Variants in TCF20 observed in about 807,000 individuals in gnomAD.
TCF20 encodes SPRE-binding protein.
TCF20 carries 3 observed loss-of-function variants against 148.6 expected under a neutral mutation model. That is an observed-to-expected ratio of 0.02 (90% CI 0.01 to 0.05). The LOEUF (loss-of-function observed/expected upper bound fraction) is 0.05. Ranked by LOEUF, TCF20 falls within the 10% of genes least tolerant of loss-of-function variation. The pLI, the probability that TCF20 is intolerant of heterozygous loss-of-function variation, is 1.00. For synonymous variants in TCF20, 1,049 were observed against 909.5 expected (o/e 1.15, Z -2.76); for missense variants, 2,350 against 2,429.3 (o/e 0.97, Z 0.69).
chr22:42,335,933 G>A (rs1403717699), intron 1 of TCF20, among the ~76,000 whole-genome samples: 1 of 152,136 alleles, frequency 6.6e-6, no homozygotes, highest in Non-Finnish European at 1.5e-5. Context: ...CAAATCTGGG[G>A]GCCAGCCATC....
Position 42,309,957 on chromosome 22 carries a change from C to T in TCF20, c.-37+33522G>A, listed in dbSNP as rs542667929. Among the ~76,000 whole-genome samples the T allele has an allele frequency of 6.5e-4, 99 of 152,362 alleles. 1 individual carries two copies. Among genetic ancestry groups the T allele is most frequent in the Non-Finnish European group, 2.4e-4 (16 of 68,036 alleles). ...ACTCCACACTGGCCCTAATCTTACCCCTTCCAGCCCTGTCTCTCCAGTGCC... is the reference window on the plus strand; with the variant it reads ...ACTCCACACTGGCCCTAATCTTACCTCTTCCAGCCCTGTCTCTCCAGTGCC... On this transcript the variant is annotated intron_variant, in intron 1 of 1. Coordinates refer to the TCF20 transcript ENST00000515426.
chr22:42,170,440 C>T (rs533438235), intron 3 of TCF20, among the ~76,000 whole-genome samples: 19 of 150,778 alleles, frequency 1.3e-4, no homozygotes, highest in African/African-American at 4.4e-4. Context: ...CCCAGGAGTT[C>T]AGACTGCAGT....
chr22:42,219,355 C>CAAAAAAAAAAAAAAA lies in TCF20; in HGVS notation c.-36-4029_-36-4015dup, dbSNP rs528664836. 2.1e-3 allele frequency among the ~76,000 whole-genome samples: 90 copies of CAAAAAAAAAAAAAAA among 43,550 alleles called. 9 individuals are homozygous for CAAAAAAAAAAAAAAA. Among genetic ancestry groups the CAAAAAAAAAAAAAAA allele is most frequent in the African/African-American group, 6.5e-3 (66 of 10,166 alleles). 28.6% of individuals were successfully genotyped at this position (43,550 alleles called of 152,430 possible). ...ACCCTGGGTGACAGTAACCCTGTCT[C>CAAAAAAAAAAAAAAA]AAAAAAAAAAAAAAAAAAAAAAAAA... On this transcript the variant is annotated intron_variant, in intron 1 of 5. Coordinates refer to ENST00000677622, the MANE Select transcript of TCF20 (RefSeq NM_001378418.1).
At chr22:42,174,188 C>A (rs1359398780) in intron 3 of TCF20, among the ~76,000 whole-genome samples, 1 of 152,052 alleles carries the variant, frequency 6.6e-6, no homozygotes, top group Non-Finnish European at 1.5e-5. Context: ...TGCTGTTCAG[C>A]CACTAGCCAT....
In TCF20 at chr22:42,259,727, C is replaced by A. The variant is rs181900259; in HGVS notation, c.-37+10612G>T. On this transcript the variant is annotated intron_variant, in intron 1 of 5. Coordinates refer to ENST00000677622, the MANE Select transcript of TCF20 (RefSeq NM_001378418.1). ...ACAGCTCTCATCCTACCACCACTAT[C>A]CTCAATAATGTCACTTAACACATTT... 2.9e-3 allele frequency among the ~76,000 whole-genome samples: 439 copies of A among 152,300 alleles called. 2 individuals are homozygous for A. Among genetic ancestry groups the A allele is most frequent in the African/African-American group, 0.01 (427 of 41,566 alleles).
At chr22:42,291,763 C>G (rs969436179) in intron 1 of TCF20, among the ~76,000 whole-genome samples, 3 of 151,914 alleles carry the variant, frequency 2.0e-5, no homozygotes, top group African/African-American at 7.3e-5. Flanking sequence ...CCTGGGGCCA[C>G]AAGATGCCTA....
At chr22:42,187,532 C>T (rs1236144773) in intron 2 of TCF20, among the ~76,000 whole-genome samples, 2 of 152,190 alleles carry the variant, frequency 1.3e-5, no homozygotes, top group African/African-American at 2.4e-5. Context: ...GAAAGCCTGA[C>T]CCAGGTCCAA....
At chr22:42,312,670 T>A (rs1927556881) in intron 1 of TCF20, among the ~76,000 whole-genome samples, 1 of 152,028 alleles carries the variant, frequency 6.6e-6, no homozygotes, top group Admixed American at 6.5e-5. Context: ...GGCCTGGCAA[T>A]CCCATTGCTG....
chr22:42,179,537 C>T (rs972033229), intron 3 of TCF20, 72 bp downstream of exon 3: 4 of 779,206 alleles, frequency 5.1e-6, no homozygotes, highest in African/African-American at 1.8e-5. Flanking sequence ...AAAACAACGA[C>T]AACAGAGAGA....
chr22:42,332,243 C>T (rs914354032), intron 1 of TCF20, among the ~76,000 whole-genome samples: 5 of 152,168 alleles, frequency 3.3e-5, no homozygotes, highest in African/African-American at 1.2e-4. Context: ...AGGGTATTAG[C>T]CAGGCAGGGA....
chr22:42,237,455 C>G (rs942929223), intron 1 of TCF20, among the ~76,000 whole-genome samples: 4 of 152,216 alleles, frequency 2.6e-5, no homozygotes, highest in African/African-American at 9.7e-5. Context: ...AAGTCCTGAA[C>G]CCCTCAAAGT....
chr22:42,242,043 A>T (rs1410468788), intron 1 of TCF20, among the ~76,000 whole-genome samples: 1 of 151,872 alleles, frequency 6.6e-6, no homozygotes, highest in Non-Finnish European at 1.5e-5. Context: ...TCTACTAAAA[A>T]TACAAAAAAT....
chr22:42,322,092 A>G lies in TCF20; in HGVS notation c.-37+21387T>C, dbSNP rs1162378956. Among the ~76,000 whole-genome samples, 2 of 151,942 alleles carry G rather than the reference A, an allele frequency of 1.3e-5. 1 individual carries two copies. The highest frequency in any genetic ancestry group is 2.9e-5 in the Non-Finnish European group (2 of 67,882). ...AATTGCTCAATAAATATGAGCAGGT[A>G]TTACGGCTGCTGTTATTAATATTGC... is the stretch of plus-strand genomic sequence containing the variant. On this transcript the variant is annotated intron_variant, in intron 1 of 1. Transcript: ENST00000515426.
At position 42,317,891 on chromosome 22, in the gene TCF20, G is replaced by A. The variant is rs780478224; in HGVS notation, c.-37+25588C>T. Among the ~76,000 whole-genome samples, 1 of 152,202 alleles carries A rather than the reference G, an allele frequency of 6.6e-6. No homozygotes were observed. Among genetic ancestry groups the A allele is most frequent in the Non-Finnish European group, 1.5e-5 (1 of 68,016 alleles). On this transcript the variant is annotated intron_variant, in intron 1 of 1. Transcript: ENST00000515426. The surrounding 1 kb of genome is among the most constrained non-coding windows in gnomAD (Gnocchi z 4.2). The stretch of plus-strand genomic sequence containing the variant: ...CAGATCCCACTCGAGCCCAGGCGGG[G>A]CACCCTCCTGGCTGCCTGCCGTGCA...
chr22:42,204,477 AGAGT>A lies in TCF20; in HGVS notation c.5655+5170_5655+5173del, dbSNP rs1164245467. 2.6e-5 allele frequency among the ~76,000 whole-genome samples: 4 copies of A among 151,970 alleles called. No homozygotes were observed. In the East Asian group the frequency reaches 5.8e-4, roughly 22 times the overall value. The stretch of plus-strand genomic sequence containing the variant: ...GCCACTGCACTCCAGCCTGGACAAC[AGAGT>A]GAGACCCTGTCTCAAAAAATCAAGG... On this transcript the variant is annotated intron_variant, in intron 2 of 5. Coordinates refer to ENST00000677622, the MANE Select transcript of TCF20 (RefSeq NM_001378418.1).
chr22:42,269,299 GA>G (rs1187631593), intron 1 of TCF20, among the ~76,000 whole-genome samples: 6 of 151,502 alleles, frequency 4.0e-5, no homozygotes, highest in Admixed American at 1.3e-4. Flanking sequence ...AATCTTCGAG[GA>G]AAAAAAAGCA....
At chr22:42,170,471 C>G (rs1171032353) in intron 3 of TCF20, among the ~76,000 whole-genome samples, 1 of 149,974 alleles carries the variant, frequency 6.7e-6, no homozygotes, top group Admixed American at 6.6e-5. Flanking sequence ...CACATCACTG[C>G]ACTATAGCCT....
intron 1 of TCF20, among the ~76,000 whole-genome samples, chr22:42,332,649 G>A (rs1460894247): frequency 2.6e-5 from 4 of 152,176 alleles, no homozygotes; most frequent in African/African-American, 7.2e-5. Flanking sequence ...TGCAATTTTA[G>A]TAGAGATGGG....
At chr22:42,182,006 G>A (rs1936801705) in intron 2 of TCF20, among the ~76,000 whole-genome samples, 1 of 152,172 alleles carries the variant, frequency 6.6e-6, no homozygotes, top group Non-Finnish European at 1.5e-5. Flanking sequence ...ATCACCATGA[G>A]GGGACAGCCC....
Sources: allele counts gnomAD v4.1 joint callset (sites outside exome capture counted in the v4.1 genomes callset), GRCh38; gene constraint gnomAD v4.1.1; non-coding constraint Gnocchi (gnomAD v3.1); transcripts MANE v1.5; gene names NCBI Gene and HGNC (gene_info 2026-07-23, HGNC 2026-07-21).